Variants in MGAT5 observed in about 807,000 individuals in gnomAD.
The protein encoded by MGAT5 is alpha-1,6-mannosylglycoprotein 6-beta-N-acetylglucosaminyltransferase, also known as alpha-1,6-mannosylglycoprotein 6-beta-N-acetylglucosaminyltransferase A.
In MGAT5, 30 loss-of-function variants were observed where a neutral mutation model predicts 94.3. That is an observed-to-expected ratio of 0.32 (90% CI 0.24 to 0.43). The LOEUF (loss-of-function observed/expected upper bound fraction) is 0.43. MGAT5 is among the 20% of genes least tolerant of loss of function. The pLI is 1.00. For missense variants in MGAT5, 691 were observed against 905.5 expected, an observed-to-expected ratio of 0.76 and a Z score of 3.04; for synonymous variants, 310 against 322.9, an observed-to-expected ratio of 0.96 and a Z score of 0.43.
At position 134,372,016 on chromosome 2, in the gene MGAT5, G is replaced by A. The variant is rs548359774; in HGVS notation, c.1380+9608G>A. Among the ~76,000 whole-genome samples, 9 of 152,028 alleles carry A rather than the reference G, an allele frequency of 5.9e-5. No homozygotes were observed. In the East Asian group the frequency reaches 1.7e-3, roughly 29 times the overall value. ...ACTTGTTCAGCATCCACATGCCAGGGCCTCTTGTCACCCTCATTTAGTTAG... is the reference window on the plus strand; with the variant it reads ...ACTTGTTCAGCATCCACATGCCAGGACCTCTTGTCACCCTCATTTAGTTAG... On this transcript the variant is annotated intron_variant, in intron 10 of 15. Coordinates refer to ENST00000281923, the MANE Select transcript of MGAT5 (RefSeq NM_002410.5).
intron 2 of MGAT5, among the ~76,000 whole-genome samples, chr2:134,307,346 T>G (rs949906520): frequency 3.3e-5 from 5 of 152,142 alleles, no homozygotes; most frequent in African/African-American, 7.2e-5. Context: ...CTGTAAAGAT[T>G]TTATACAGTA....
chr2:134,413,134 G>T, intron 12 of MGAT5, 119 bp downstream of exon 12: 2 of 1,114,056 alleles, frequency 1.8e-6, no homozygotes, highest in Non-Finnish European at 2.6e-6. Flanking sequence ...GGGTATAGAG[G>T]CTCAGAGAGG....
At chr2:134,397,519 T>C (rs1682787063) in intron 10 of MGAT5, among the ~76,000 whole-genome samples, 1 of 152,180 alleles carries the variant, frequency 6.6e-6, no homozygotes, top group South Asian at 2.1e-4. Flanking sequence ...GTGGGTTTTA[T>C]TCGCCCTGCT....
chr2:134,345,649 G>A (rs1476147687), intron 8 of MGAT5, among the ~76,000 whole-genome samples: 1 of 152,024 alleles, frequency 6.6e-6, no homozygotes, highest in African/African-American at 2.4e-5. Flanking sequence ...CTTTTACCTG[G>A]TATACAAACA....
intron 1 of MGAT5, among the ~76,000 whole-genome samples, chr2:134,176,407 G>T (rs1271433323): frequency 6.6e-6 from 1 of 151,674 alleles, no homozygotes; most frequent in Admixed American, 6.6e-5. Flanking sequence ...CCCCTTCTCT[G>T]TTAAAAATAC....
At chr2:134,217,171 C>T (rs1204946574) in intron 1 of MGAT5, among the ~76,000 whole-genome samples, 1 of 151,418 alleles carries the variant, frequency 6.6e-6, no homozygotes, top group Admixed American at 6.6e-5. Flanking sequence ...TCATAACTTA[C>T]GCTATTGCTG....
chr2:134,391,089 G>A (rs1003620408), intron 10 of MGAT5, among the ~76,000 whole-genome samples: 4 of 152,176 alleles, frequency 2.6e-5, no homozygotes, highest in African/African-American at 9.7e-5. Context: ...TCAAGTAAGA[G>A]GAGGGGACAT....
chr2:134,130,256 C>CGCCCCACACCGCCCCACACT (rs1558947577), intron 1 of MGAT5, among the ~76,000 whole-genome samples: 1 of 150,888 alleles, frequency 6.6e-6, no homozygotes, highest in Non-Finnish European at 1.5e-5. Context: ...CGCCCCACAC[C>CGCCCCACACCGCCCCACACT]GCCCCACACC....
intron 1 of MGAT5, among the ~76,000 whole-genome samples, chr2:134,162,550 C>G (rs923148743): frequency 2.0e-5 from 3 of 152,210 alleles, no homozygotes; most frequent in African/African-American, 7.2e-5. Flanking sequence ...TATTGATCTC[C>G]TTTTACCATT....
At chr2:134,370,626 C>A (rs1680727254) in intron 10 of MGAT5, among the ~76,000 whole-genome samples, 1 of 152,348 alleles carries the variant, frequency 6.6e-6, no homozygotes, top group South Asian at 2.1e-4. Context: ...AGATGGTGAG[C>A]CCCCAGGGGC....
chr2:134,350,035 A>G, intron 9 of MGAT5, 97 bp downstream of exon 9: 2 of 1,388,466 alleles, frequency 1.4e-6, no homozygotes, highest in Middle Eastern at 1.8e-4. Flanking sequence ...TCTCAGGACC[A>G]TTAGCTGTAG....
intron 14 of MGAT5, among the ~76,000 whole-genome samples, chr2:134,429,668 T>A (rs1218921111): frequency 6.6e-6 from 1 of 152,214 alleles, no homozygotes; most frequent in Non-Finnish European, 1.5e-5. Context: ...TTTAATACAT[T>A]ATGCTATATT....
chr2:134,432,336 G>A (rs574980267), intron 14 of MGAT5, among the ~76,000 whole-genome samples: 120 of 152,312 alleles, frequency 7.9e-4, no homozygotes, highest in Non-Finnish European at 1.2e-3. Context: ...ATTCTGGAGA[G>A]AGGGAGGGTA....
chr2:134,334,297 G>A (rs1029538904), intron 4 of MGAT5, among the ~76,000 whole-genome samples: 24 of 152,154 alleles, frequency 1.6e-4, no homozygotes, highest in Admixed American at 6.5e-5. Flanking sequence ...GATTCTTCTT[G>A]CAGTGGCAGA....
chr2:134,214,079 A>G (rs1431797842), intron 1 of MGAT5, among the ~76,000 whole-genome samples: 2 of 152,172 alleles, frequency 1.3e-5, no homozygotes, highest in South Asian at 2.1e-4. Flanking sequence ...ACAAAAAGAC[A>G]TTTCTCCCCA....
intron 1 of MGAT5, among the ~76,000 whole-genome samples, chr2:134,180,518 C>A (rs1688683230): frequency 6.6e-6 from 1 of 152,186 alleles, no homozygotes. Context: ...CCTTTCATTT[C>A]AGAAATAAAA....
chr2:134,393,427 G>C (rs573757357), intron 10 of MGAT5, among the ~76,000 whole-genome samples: 1 of 152,064 alleles, frequency 6.6e-6, no homozygotes, highest in African/African-American at 2.4e-5. Flanking sequence ...CAAGCATAAG[G>C]ATCTTCAAAA....
At chr2:134,258,169 T>C (rs75026572) in intron 1 of MGAT5, among the ~76,000 whole-genome samples, 6 of 126,370 alleles carry the variant, frequency 4.7e-5, no homozygotes, top group Admixed American at 4.7e-4. Context: ...GGACCTTTGA[T>C]TGTGTAAATA....
intron 11 of MGAT5, among the ~76,000 whole-genome samples, chr2:134,411,960 T>C (rs2106327799): frequency 6.6e-6 from 1 of 152,270 alleles, no homozygotes; most frequent in African/African-American, 2.4e-5. Flanking sequence ...AGGACACAGC[T>C]TCGTCAAGCC....
Sources: allele counts gnomAD v4.1 joint callset (sites outside exome capture counted in the v4.1 genomes callset), GRCh38; gene constraint gnomAD v4.1.1; transcripts MANE v1.5; gene names NCBI Gene and HGNC (gene_info 2026-07-23, HGNC 2026-07-21).